Variants in XIAP observed in about 807,000 individuals in gnomAD.
The protein encoded by XIAP is E3 ubiquitin-protein ligase XIAP.
XIAP carries 3 observed loss-of-function variants against 33.1 expected under a neutral mutation model. The observed-to-expected ratio is 0.09, with a 90% confidence interval of 0.04 to 0.23. XIAP has a LOEUF of 0.23. Ranked by LOEUF, XIAP falls within the 10% of genes least tolerant of loss-of-function variation. The pLI, the probability that XIAP is intolerant of heterozygous loss-of-function variation, is 1.00. For synonymous variants in XIAP, 98 were observed against 121.3 expected (o/e 0.81, Z 1.26); for missense variants, 264 against 363.0 (o/e 0.73, Z 2.22).
In XIAP at chrX:123,909,539, T is replaced by G; in HGVS notation, c.*2358T>G. On this transcript the variant is annotated 3_prime_UTR_variant, in exon 7 of 7. Transcript: ENST00000371199. ...GAGAAAAGTGTTAAAATTTTTAAAA[T>G]ATGTTTTCCAGGACACTTCACTTCC... 3.1e-6 allele frequency: 1 copy of G among 327,387 alleles called. No homozygotes were observed. Among genetic ancestry groups the G allele is most frequent in the Non-Finnish European group, 5.9e-6 (1 of 169,596 alleles). 27.0% of individuals were successfully genotyped at this position (327,387 alleles called of 1,213,427 possible).
At position 123,909,254 on chromosome X, in the gene XIAP, C is replaced by A; in HGVS notation, c.*2073C>A. ...CCATGTTGGCCAGGCTGGTATCAAA[C>A]TCCTGACCTCAAGAGATCCACTCGC... On this transcript the variant is annotated 3_prime_UTR_variant, in exon 7 of 7. Coordinates refer to ENST00000371199, the MANE Select transcript of XIAP (RefSeq NM_001167.4). The A allele has an allele frequency of 6.2e-6, 2 of 325,019 alleles. No homozygotes were observed. Among genetic ancestry groups the A allele is most frequent in the South Asian group, 5.3e-5 (2 of 37,867 alleles). The allele number at this position is 325,019 out of a possible 1,213,427, so 26.8% of individuals were successfully genotyped here.
At chrX:123,864,455 G>GTTTTTTTTTTTT (rs1162636021) in intron 1 of XIAP, among the ~76,000 whole-genome samples, 1 of 49,589 alleles carries the variant, frequency 2.0e-5, no homozygotes, top group Non-Finnish European at 3.4e-5. Context: ...CCTTTCTTCT[G>GTTTTTTTTTTTT]TTTTTTTTTT....
Position 123,899,144 on chromosome X carries a change from A to AAT in XIAP, c.1100-1328_1100-1327dup, listed in dbSNP as rs1175980983. Among the ~76,000 whole-genome samples the AAT allele has an allele frequency of 1.5e-3, 77 of 50,154 alleles. 10 individuals are homozygous for AAT. The highest frequency in any genetic ancestry group is 2.4e-3 in the Admixed American group (10 of 4,196). 43.6% of individuals were successfully genotyped at this position (50,154 alleles called of 115,157 possible). The stretch of plus-strand genomic sequence containing the variant: ...CAAAAAAAAAAAAAAAAAAAAAAAA[A>AAT]ATATATATATATATATATATATGAT... On this transcript the variant is annotated intron_variant, in intron 5 of 6. Transcript: ENST00000371199.
chrX:123,902,308 C>A (rs1372640665), intron 6 of XIAP, among the ~76,000 whole-genome samples: 1 of 110,598 alleles, frequency 9.0e-6, no homozygotes, highest in African/African-American at 3.3e-5. Flanking sequence ...GAAGGAGAGC[C>A]TAAGGGTTGG....
rs1348236975 is a variant in XIAP, at chrX:123,908,629, A to G, written c.*1448A>G. ...AATGTTAAGTCTTTCCTCTACCTAC[A>G]TTTGTTTTCTTGGCTAGTAATAGTA... On this transcript the variant is annotated 3_prime_UTR_variant, in exon 7 of 7. Coordinates refer to ENST00000371199, the MANE Select transcript of XIAP (RefSeq NM_001167.4). 2.8e-6 allele frequency: 1 copy of G among 359,695 alleles called. No individual in the cohort carries two copies. Among genetic ancestry groups the G allele is most frequent in the African/African-American group, 2.6e-5 (1 of 39,204 alleles). The allele number at this position is 359,695 out of a possible 1,213,427, so 29.6% of individuals were successfully genotyped here. A position where few individuals can be genotyped will look rare whatever the true frequency, so the allele number is the denominator to read the frequency against.
chrX:123,870,063 G>T (rs1222976277), intron 1 of XIAP, among the ~76,000 whole-genome samples: 2 of 112,483 alleles, frequency 1.8e-5, no homozygotes, highest in African/African-American at 6.4e-5. Flanking sequence ...AGGTTCAAGC[G>T]ATTCTCGTGC....
rs765311366 is a variant in XIAP at position 123,911,657 on chromosome X, G to T, written c.*4476G>T. ...TGTGCCACTGTACTCCAGTCTGGGT[G>T]ACAGAGTGAGACCCCATCTCTAAAT... On this transcript the variant is annotated 3_prime_UTR_variant, in exon 7 of 7. Transcript: ENST00000371199. 45 of 325,463 alleles carry T rather than the reference G, an allele frequency of 1.4e-4. No individual in the cohort carries two copies. The highest frequency in any genetic ancestry group is 1.2e-3 in the African/African-American group (45 of 37,500). The allele number at this position is 325,463 out of a possible 1,213,427, so 26.8% of individuals were successfully genotyped here.
At chrX:123,861,227 G>A (rs1054660549) in intron 1 of XIAP, among the ~76,000 whole-genome samples, 3 of 111,773 alleles carry the variant, frequency 2.7e-5, no homozygotes, top group Non-Finnish European at 3.8e-5. Flanking sequence ...TATCCAACTA[G>A]TTAGATTAGA....
At chrX:123,902,030 C>T (rs906850496) in intron 6 of XIAP, among the ~76,000 whole-genome samples, 3 of 111,501 alleles carry the variant, frequency 2.7e-5, no homozygotes, top group Non-Finnish European at 5.6e-5. Flanking sequence ...GACAGGGTTT[C>T]GCCAAGTTGG....
chrX:123,883,509 T>C (rs1602542108), intron 1 of XIAP, among the ~76,000 whole-genome samples: 1 of 104,060 alleles, frequency 9.6e-6, no homozygotes, highest in East Asian at 3.0e-4. Context: ...TTTTTTTTTT[T>C]TTTTGAGACA....
At chrX:123,888,999 A>G (rs1372267529) in intron 3 of XIAP, among the ~76,000 whole-genome samples, 2 of 106,926 alleles carry the variant, frequency 1.9e-5, no homozygotes, top group African/African-American at 3.4e-5. Context: ...GCTCACTGCA[A>G]CCTCTGCCTC....
rs899119343 is a variant in XIAP at position 123,860,106 on chromosome X, G to A, written c.-220G>A. On this transcript the variant is annotated 5_prime_UTR_variant, in exon 1 of 7. Coordinates refer to ENST00000371199, the MANE Select transcript of XIAP (RefSeq NM_001167.4). ...TTCACGACTCCGGGTTTCTCCAGGG[G>A]ATGGGCCGGCCGGTAGAGGCGCGTG... 2.6e-4 allele frequency: 87 copies of A among 328,375 alleles called. No homozygotes were observed. The highest frequency in any genetic ancestry group is 1.1e-3 in the African/African-American group (41 of 37,941). The allele number at this position is 328,375 out of a possible 1,213,427, so 27.1% of individuals were successfully genotyped here.
intron 1 of XIAP, among the ~76,000 whole-genome samples, chrX:123,864,036 G>GT (rs1341478704): frequency 2.7e-5 from 3 of 109,398 alleles, no homozygotes; most frequent in African/African-American, 1.0e-4. Flanking sequence ...TTTTTCTTTG[G>GT]TTTTTATTTT....
At chrX:123,894,487 G>A (rs779957868) in intron 5 of XIAP, among the ~76,000 whole-genome samples, 5 of 112,331 alleles carry the variant, frequency 4.5e-5, no homozygotes, top group African/African-American at 6.5e-5. Context: ...AATTACAAGC[G>A]GCTGGGTGTG....
Position 123,881,756 on chromosome X carries a change from ATT to A in XIAP, c.-32-3859_-32-3858del, listed in dbSNP as rs35412191. 5.5e-3 allele frequency among the ~76,000 whole-genome samples: 496 copies of A among 90,438 alleles called. 1 individual carries two copies. The highest frequency in any genetic ancestry group is 7.9e-3 in the Non-Finnish European group (358 of 45,088). 78.5% of individuals were successfully genotyped at this position (90,438 alleles called of 115,157 possible). ...AGAATATCTTTGATTTTATACTTCT[ATT>A]TTTTTTTTTTTTTTTGAGACAGAGT... On this transcript the variant is annotated intron_variant, in intron 1 of 6. Coordinates refer to ENST00000371199, the MANE Select transcript of XIAP (RefSeq NM_001167.4).
At chrX:123,880,862 T>A in intron 1 of XIAP, among the ~76,000 whole-genome samples, 1 of 110,713 alleles carries the variant, frequency 9.0e-6, no homozygotes, top group Admixed American at 9.8e-5. Context: ...CTAGATTAGC[T>A]GTCAACCTCC....
At position 123,888,727 on chromosome X, in the gene XIAP, T is replaced by A. The variant is rs1165703655; in HGVS notation, c.977+9T>A. On this transcript the variant is annotated intron_variant, in intron 3 of 6. Transcript: ENST00000371199. ...GCTAAATGGTATCCAGGGTAAGATA[T>A]TTAATTGTTCATTGTACAGGCAAGT... is the stretch of plus-strand genomic sequence containing the variant. The A allele has an allele frequency of 8.4e-7, 1 of 1,195,574 alleles. No individual in the cohort carries two copies. The highest frequency in any genetic ancestry group is 2.2e-5 in the Admixed American group (1 of 45,943).
chrX:123,893,901 G>A (rs1049489955), intron 5 of XIAP, among the ~76,000 whole-genome samples: 28 of 112,468 alleles, frequency 2.5e-4, no homozygotes, highest in Admixed American at 2.3e-3. Flanking sequence ...ATGTTAGTAG[G>A]CCATCAGATA....
At chrX:123,864,632 T>TAG (rs1240450469) in intron 1 of XIAP, among the ~76,000 whole-genome samples, 31 of 70,698 alleles carry the variant, frequency 4.4e-4, no homozygotes, top group African/African-American at 1.8e-3. Flanking sequence ...ACACCCGGCT[T>TAG]AGAGTGTGTG....
Sources: gnomAD v4.1 joint callset for allele counts (sites outside exome capture counted in the v4.1 genomes callset) on GRCh38, gnomAD v4.1.1 for gene constraint, MANE v1.5 for transcripts, NCBI Gene and HGNC (gene_info 2026-07-23, HGNC 2026-07-21) for gene names.